CFTR: variants seen among roughly 807,000 people sequenced by gnomAD.
The protein encoded by CFTR is CF transmembrane conductance regulator, also known as cystic fibrosis transmembrane conductance regulator.
In CFTR, 181 loss-of-function variants were observed where a neutral mutation model predicts 171.6. That is an observed-to-expected ratio of 1.05 (90% CI 0.93 to 1.19). The LOEUF (loss-of-function observed/expected upper bound fraction) is 1.19, where lower values mean the gene tolerates loss of function less well. Ranked by LOEUF, CFTR falls within the 50% of genes most tolerant of loss-of-function variation. The pLI is 0.00. For synonymous variants in CFTR, 583 were observed against 608.0 expected (o/e 0.96, Z 0.60); for missense variants, 1,968 against 1,734.7 (o/e 1.13, Z -2.39).
chr7:117,485,801 G>A (rs1798065686), intron 1 of CFTR, among the ~76,000 whole-genome samples: 1 of 152,094 alleles, frequency 6.6e-6, no homozygotes, highest in Non-Finnish European at 1.5e-5. Flanking sequence ...CATAAATTAT[G>A]ATTCCAAATT....
intron 10 of CFTR, among the ~76,000 whole-genome samples, chr7:117,558,366 A>G (rs1283118652): frequency 6.6e-6 from 1 of 152,122 alleles, no homozygotes; most frequent in African/African-American, 2.4e-5. Context: ...CATCCTGGCT[A>G]ACACAGTGAA....
intron 3 of CFTR, among the ~76,000 whole-genome samples, chr7:117,515,079 A>G (rs1217137510): frequency 6.6e-6 from 1 of 151,426 alleles, no homozygotes; most frequent in Non-Finnish European, 1.5e-5. Context: ...GATTGCAAAA[A>G]TTTTCTCCCA....
At chr7:117,563,644 A>T (rs1476583910) in intron 11 of CFTR, among the ~76,000 whole-genome samples, 1 of 152,174 alleles carries the variant, frequency 6.6e-6, no homozygotes, top group Non-Finnish European at 1.5e-5. Context: ...TAGAATTGAG[A>T]CATCTGATCA....
chr7:117,572,004 TG>T (rs1313317535), intron 11 of CFTR, among the ~76,000 whole-genome samples: 3 of 152,106 alleles, frequency 2.0e-5, no homozygotes, highest in Non-Finnish European at 2.9e-5. Flanking sequence ...ATTATTTTAT[TG>T]TTTTTTTATT....
At position 117,503,385 on chromosome 7, in the gene CFTR, G is replaced by A. The variant is rs890863803; in HGVS notation, c.54-868G>A. On this transcript the variant is annotated intron_variant, in intron 1 of 26. Coordinates refer to ENST00000003084, the MANE Select transcript of CFTR (RefSeq NM_000492.4). ...TTCAATTTTACCTGAGAAAGCTCTC[G>A]TGCTCTCGAATTTTATTTAGAAATT... is the stretch of plus-strand genomic sequence containing the variant. Among the ~76,000 whole-genome samples the A allele has an allele frequency of 3.9e-5, 6 of 152,068 alleles. 1 individual carries two copies. The highest frequency in any genetic ancestry group is 1.3e-4 in the Admixed American group (2 of 15,268).
intron 11 of CFTR, among the ~76,000 whole-genome samples, chr7:117,567,920 C>T (rs1402992631): frequency 6.6e-6 from 1 of 152,104 alleles, no homozygotes; most frequent in East Asian, 1.9e-4. Flanking sequence ...CTTAGAAGGT[C>T]AGGAAAGATT....
chr7:117,544,137 C>G (rs1248453119), intron 9 of CFTR, among the ~76,000 whole-genome samples: 1 of 152,200 alleles, frequency 6.6e-6, no homozygotes, highest in South Asian at 2.1e-4. Flanking sequence ...ATTTTATTCT[C>G]TCAGCTGCAC....
chr7:117,643,534 C>G (rs1792951391), intron 23 of CFTR, among the ~76,000 whole-genome samples: 1 of 152,152 alleles, frequency 6.6e-6, no homozygotes. Flanking sequence ...AATATTGTAA[C>G]TGCTCAACTG....
intron 11 of CFTR, among the ~76,000 whole-genome samples, chr7:117,570,452 C>T (rs1014164033): frequency 7.2e-5 from 11 of 152,000 alleles, no homozygotes; most frequent in Admixed American, 3.9e-4. Flanking sequence ...ATAGCCCAAA[C>T]AATATTTTAG....
chr7:117,538,873 C>A (rs1403770278), intron 7 of CFTR, among the ~76,000 whole-genome samples: 1 of 152,190 alleles, frequency 6.6e-6, no homozygotes, highest in Non-Finnish European at 1.5e-5. Flanking sequence ...GAATTGCAAT[C>A]CGGGTTGGGC....
At chr7:117,647,491 G>A (rs1201432315) in intron 23 of CFTR, 1 of 151,978 alleles carries the variant, frequency 6.6e-6, no homozygotes, top group Non-Finnish European at 1.5e-5. Context: ...GGGAGGAGGT[G>A]CCACACACTT....
At chr7:117,506,148 A>T (rs531074464) in intron 2 of CFTR, among the ~76,000 whole-genome samples, 1 of 152,328 alleles carries the variant, frequency 6.6e-6, no homozygotes, top group East Asian at 1.9e-4. Context: ...AACCTGTAGC[A>T]TTGCTGGAGA....
chr7:117,635,085 T>C (rs1357943894), intron 22 of CFTR, among the ~76,000 whole-genome samples: 1 of 152,164 alleles, frequency 6.6e-6, no homozygotes, highest in African/African-American at 2.4e-5. Flanking sequence ...ATATTCTATT[T>C]CTTGTTACAG....
intron 24 of CFTR, among the ~76,000 whole-genome samples, chr7:117,655,810 A>C (rs563093090): frequency 6.6e-6 from 1 of 152,286 alleles, no homozygotes; most frequent in Non-Finnish European, 1.5e-5. Flanking sequence ...ATCTGGTGCC[A>C]GCAGATTTTG....
chr7:117,570,269 A>G (rs1393926439), intron 11 of CFTR, among the ~76,000 whole-genome samples: 1 of 152,064 alleles, frequency 6.6e-6, no homozygotes, highest in Non-Finnish European at 1.5e-5. Context: ...AAGGTCCTCC[A>G]CTAACTTTCA....
At chr7:117,630,820 T>TTTAA (rs979756171) in intron 22 of CFTR, among the ~76,000 whole-genome samples, 38 of 152,026 alleles carry the variant, frequency 2.5e-4, no homozygotes, top group African/African-American at 8.9e-4. Context: ...TATTTTCTTA[T>TTTAA]CTGCCTAGGC....
At chr7:117,624,106 A>G (rs904346996) in intron 21 of CFTR, among the ~76,000 whole-genome samples, 1 of 152,118 alleles carries the variant, frequency 6.6e-6, no homozygotes, top group Non-Finnish European at 1.5e-5. Flanking sequence ...TGTACAAGAA[A>G]TATGACTTTA....
chr7:117,590,479 A>C (rs748158201), intron 13 of CFTR, 40 bp downstream of exon 13: 4 of 1,577,458 alleles, frequency 2.5e-6, no homozygotes, highest in Non-Finnish European at 3.5e-6. Flanking sequence ...GCTCATGCTA[A>C]AATAAAAGAA....
chr7:117,619,164 A>C (rs1327419917), intron 21 of CFTR, among the ~76,000 whole-genome samples: 1 of 152,178 alleles, frequency 6.6e-6, no homozygotes, highest in Non-Finnish European at 1.5e-5. Context: ...TTCCTCCAAA[A>C]CAAAGTTATG....
Sources: gnomAD v4.1 joint callset for allele counts (sites outside exome capture counted in the v4.1 genomes callset) on GRCh38, gnomAD v4.1.1 for gene constraint, MANE v1.5 for transcripts, NCBI Gene and HGNC (gene_info 2026-07-23, HGNC 2026-07-21) for gene names.